Variants in CPQ observed in about 807,000 individuals in gnomAD.
The protein encoded by CPQ is carboxypeptidase Q.
CPQ carries 37 observed loss-of-function variants against 45.7 expected under a neutral mutation model. That is an observed-to-expected ratio of 0.81 (90% CI 0.62 to 1.07). The LOEUF (loss-of-function observed/expected upper bound fraction) is 1.07. CPQ is among the 50% of genes least tolerant of loss of function. The pLI is 0.00. For synonymous variants in CPQ, 186 were observed against 205.8 expected, an observed-to-expected ratio of 0.90 and a Z score of 0.82; for missense variants, 537 against 572.9, an observed-to-expected ratio of 0.94 and a Z score of 0.64.
At chr8:96,744,213 T>C (rs1037183085) in intron 1 of CPQ, among the ~76,000 whole-genome samples, 1 of 152,212 alleles carries the variant, frequency 6.6e-6, no homozygotes, top group African/African-American at 2.4e-5. Flanking sequence ...AAAAGCGCAG[T>C]ATTAGGGTGG....
chr8:96,840,161 G>C (rs1811587864), intron 3 of CPQ, among the ~76,000 whole-genome samples: 1 of 152,154 alleles, frequency 6.6e-6, no homozygotes, highest in Non-Finnish European at 1.5e-5. Flanking sequence ...TTGACCAAGA[G>C]AAAGGAGGTG....
At chr8:96,989,490 GT>G (rs1809052581) in intron 5 of CPQ, among the ~76,000 whole-genome samples, 2 of 148,444 alleles carry the variant, frequency 1.3e-5, no homozygotes, top group Admixed American at 6.7e-5. Context: ...GGAGAGGGGA[GT>G]GGAGGAGAGG....
At chr8:96,890,197 C>T (rs542137679) in intron 4 of CPQ, among the ~76,000 whole-genome samples, 6 of 152,272 alleles carry the variant, frequency 3.9e-5, no homozygotes, top group African/African-American at 9.6e-5. Flanking sequence ...ATAACTCTTA[C>T]GTCACATGAC....
At chr8:96,663,719 C>T (rs1301535986) in intron 1 of CPQ, among the ~76,000 whole-genome samples, 1 of 151,998 alleles carries the variant, frequency 6.6e-6, no homozygotes, top group Non-Finnish European at 1.5e-5. Context: ...TTTTCAACAT[C>T]TTAAACTTCT....
At chr8:96,692,387 T>C (rs1008566176) in intron 1 of CPQ, among the ~76,000 whole-genome samples, 9 of 152,346 alleles carry the variant, frequency 5.9e-5, no homozygotes, top group Admixed American at 5.2e-4. Context: ...TGAGACCCAG[T>C]GCTATGCTGG....
chr8:96,721,808 T>A (rs1809767585), intron 1 of CPQ, among the ~76,000 whole-genome samples: 1 of 152,230 alleles, frequency 6.6e-6, no homozygotes, highest in Admixed American at 6.5e-5. Context: ...TGAACCTTTG[T>A]GCATGTCATA....
At chr8:96,696,044 A>G (rs1363709680) in intron 1 of CPQ, among the ~76,000 whole-genome samples, 2 of 151,616 alleles carry the variant, frequency 1.3e-5, no homozygotes, top group African/African-American at 4.9e-5. Flanking sequence ...ACCAACCCAA[A>G]TGTCCAACAA....
At chr8:97,025,121 C>T (rs970019206) in intron 5 of CPQ, among the ~76,000 whole-genome samples, 6 of 151,936 alleles carry the variant, frequency 3.9e-5, no homozygotes, top group African/African-American at 1.5e-4. Flanking sequence ...TTGCTCTGCC[C>T]CTCTCTGTGC....
intron 3 of CPQ, among the ~76,000 whole-genome samples, chr8:96,858,622 G>A (rs1427518907): frequency 6.6e-6 from 1 of 152,132 alleles, no homozygotes; most frequent in Non-Finnish European, 1.5e-5. Context: ...AGGCAGACGG[G>A]TTGCTGGCTC....
At chr8:97,059,414 G>A (rs185782422) in intron 6 of CPQ, among the ~76,000 whole-genome samples, 30 of 152,226 alleles carry the variant, frequency 2.0e-4, no homozygotes, top group Admixed American at 4.6e-4. Flanking sequence ...TCCCCAAGCT[G>A]CAGCCAGTTG....
At chr8:96,863,953 T>G (rs762626844) in intron 3 of CPQ, among the ~76,000 whole-genome samples, 7 of 152,066 alleles carry the variant, frequency 4.6e-5, no homozygotes, top group African/African-American at 9.7e-5. Flanking sequence ...ACTAACAAAT[T>G]AGATCTGACA....
intron 7 of CPQ, among the ~76,000 whole-genome samples, chr8:97,101,979 C>CTCTCG (rs1563580605): frequency 3.7e-5 from 5 of 136,638 alleles, no homozygotes; most frequent in African/African-American, 1.2e-4. Context: ...TCTCTCTCTC[C>CTCTCG]TGATAGCTCA....
At chr8:97,070,379 G>C (rs570682790) in intron 7 of CPQ, among the ~76,000 whole-genome samples, 8 of 152,296 alleles carry the variant, frequency 5.3e-5, no homozygotes, top group African/African-American at 1.9e-4. Flanking sequence ...CCTATATGCA[G>C]TGATCAGTTC....
intron 2 of CPQ, among the ~76,000 whole-genome samples, chr8:96,796,185 T>C (rs899622989): frequency 6.6e-6 from 1 of 152,136 alleles, no homozygotes; most frequent in Non-Finnish European, 1.5e-5. Context: ...TTCCTAATCT[T>C]TGCCAATTTG....
At chr8:97,050,441 T>C (rs1302316615) in intron 6 of CPQ, among the ~76,000 whole-genome samples, 4 of 152,200 alleles carry the variant, frequency 2.6e-5, no homozygotes, top group African/African-American at 9.7e-5. Context: ...TCTTATGGAA[T>C]GCATCAATAA....
At chr8:96,778,612 C>G (rs1810645933) in intron 1 of CPQ, among the ~76,000 whole-genome samples, 1 of 152,070 alleles carries the variant, frequency 6.6e-6, no homozygotes, top group South Asian at 2.1e-4. Context: ...AATTAACCTA[C>G]TTTTAAAAAT....
intron 6 of CPQ, among the ~76,000 whole-genome samples, chr8:97,040,603 T>A (rs1217484636): frequency 6.6e-5 from 10 of 152,270 alleles, no homozygotes; most frequent in Admixed American, 1.3e-4. Context: ...CTTCTAGGGT[T>A]GTTATGGTTT....
intron 2 of CPQ, among the ~76,000 whole-genome samples, chr8:96,800,897 C>T (rs1045608332): frequency 6.6e-6 from 1 of 151,032 alleles, no homozygotes; most frequent in Non-Finnish European, 1.5e-5. Context: ...GCAAATAGGA[C>T]AAAGAGACTT....
intron 4 of CPQ, among the ~76,000 whole-genome samples, chr8:96,883,046 T>C (rs1231721991): frequency 1.3e-5 from 2 of 152,214 alleles, no homozygotes; most frequent in Non-Finnish European, 2.9e-5. Flanking sequence ...TCATTTTCTG[T>C]GAGGCTTATT....
Sources: allele counts gnomAD v4.1 joint callset (sites outside exome capture counted in the v4.1 genomes callset), GRCh38; gene constraint gnomAD v4.1.1; transcripts MANE v1.5; gene names NCBI Gene and HGNC (gene_info 2026-07-23, HGNC 2026-07-21).